The following LAMB4 variants were observed in gnomAD, a reference collection of about 807,000 sequenced individuals.
LAMB4 encodes laminin subunit beta 4, also known as laminin subunit beta-4.
LAMB4 carries 196 observed loss-of-function variants against 199.2 expected under a neutral mutation model. That is an observed-to-expected ratio of 0.98 (90% CI 0.88 to 1.11). LAMB4 has a LOEUF of 1.11. LAMB4 is among the 50% of genes least tolerant of loss of function. The probability of loss-of-function intolerance (pLI) is 0.00; values close to 1 mark genes in which losing one functional copy is unlikely to be tolerated. For synonymous variants in LAMB4, 744 were observed against 770.6 expected (o/e 0.97, Z 0.57); for missense variants, 2,080 against 2,171.2 (o/e 0.96, Z 0.83).
chr7:108,080,419 TTCC>T (rs1408704400), intron 14 of LAMB4, among the ~76,000 whole-genome samples: 3 of 152,166 alleles, frequency 2.0e-5, no homozygotes, highest in African/African-American at 7.2e-5. Flanking sequence ...TCCGCTCAAA[TTCC>T]TCTTCTTGTT....
intron 14 of LAMB4, among the ~76,000 whole-genome samples, chr7:108,090,497 A>AC: frequency 1.3e-5 from 2 of 151,902 alleles, no homozygotes; most frequent in Non-Finnish European, 2.9e-5. Context: ...GCATGATATA[A>AC]CCCCCCTCAC....
At chr7:108,018,446 A>G in the LAMB4 span, among the ~76,000 whole-genome samples, 1 of 152,226 alleles carries the variant, frequency 6.6e-6, no homozygotes, top group African/African-American at 2.4e-5. Context: ...GCTCCTGTTA[A>G]GAGGCCCTCC....
intron 29 of LAMB4, among the ~76,000 whole-genome samples, chr7:108,041,060 AC>A (rs2035404954): frequency 6.6e-6 from 1 of 152,244 alleles, no homozygotes; most frequent in Non-Finnish European, 1.5e-5. Context: ...CAAGAAAAAA[AC>A]AACCCCCTTA....
chr7:108,029,530 C>T (rs140219761), intron 32 of LAMB4, among the ~76,000 whole-genome samples: 1 of 152,314 alleles, frequency 6.6e-6, no homozygotes, highest in African/African-American at 2.4e-5. Context: ...CAATCCCATC[C>T]TTGACAAATC....
Position 108,052,340 on chromosome 7 carries a change from T to C in LAMB4, c.3756-83A>G. ...GAAAAAAATGCCACCAAAATTGCCCTCATTGTTAGGAATTCTTGATTAGAA... is the reference window on the plus strand; with the variant it reads ...GAAAAAAATGCCACCAAAATTGCCCCCATTGTTAGGAATTCTTGATTAGAA... On this transcript the variant is annotated intron_variant, in intron 25 of 33. Transcript: ENST00000388781. 5.6e-6 allele frequency: 6 copies of C among 1,079,694 alleles called. No individual in the cohort carries two copies. The South Asian group carries it at 1.1e-4, about 19-fold the overall frequency. 66.9% of individuals were successfully genotyped at this position (1,079,694 alleles called of 1,614,324 possible).
intron 28 of LAMB4, among the ~76,000 whole-genome samples, chr7:108,045,809 G>A (rs1280540553): frequency 1.3e-5 from 2 of 152,218 alleles, no homozygotes; most frequent in Non-Finnish European, 2.9e-5. Context: ...AGAACGACAT[G>A]TGAATGGAAA....
At chr7:108,122,525 T>C (rs2150697416) in intron 2 of LAMB4, among the ~76,000 whole-genome samples, 1 of 152,326 alleles carries the variant, frequency 6.6e-6, no homozygotes, top group South Asian at 2.1e-4. Flanking sequence ...TTCTGAAGGT[T>C]TGTTGTCATG....
chr7:108,026,659 G>T (rs148477156), intron 33 of LAMB4: 7 of 221,144 alleles, frequency 3.2e-5, no homozygotes, highest in Non-Finnish European at 5.5e-5. Context: ...TTATGCCCAC[G>T]CATGCTTTCT....
chr7:108,061,754 A>AAT (rs1422528363), intron 23 of LAMB4, among the ~76,000 whole-genome samples: 1 of 151,908 alleles, frequency 6.6e-6, no homozygotes, highest in Admixed American at 6.6e-5. Flanking sequence ...AAAAAAAAAA[A>AAT]AAAAAGATAT....
At chr7:108,118,623 T>C (rs2038492444) in intron 2 of LAMB4, among the ~76,000 whole-genome samples, 1 of 152,082 alleles carries the variant, frequency 6.6e-6, no homozygotes, top group East Asian at 1.9e-4. Flanking sequence ...TCACACCTTA[T>C]ATTAATATTA....
At chr7:108,034,701 A>G (rs947196870) in intron 30 of LAMB4, among the ~76,000 whole-genome samples, 13 of 152,176 alleles carry the variant, frequency 8.5e-5, no homozygotes, top group Non-Finnish European at 1.3e-4. Flanking sequence ...CACTTTCTCA[A>G]TCTCTATTGG....
chr7:108,109,049 G>C, intron 5 of LAMB4, 122 bp downstream of exon 5: 1 of 716,892 alleles, frequency 1.4e-6, no homozygotes, highest in Non-Finnish European at 2.4e-6. Context: ...AGGTGGCAAA[G>C]GTCAAGTCTG....
intron 29 of LAMB4, among the ~76,000 whole-genome samples, chr7:108,043,238 C>A (rs1431801723): frequency 6.6e-6 from 1 of 151,950 alleles, no homozygotes; most frequent in African/African-American, 2.4e-5. Context: ...ATCTTGATCT[C>A]ATATCATTTC....
At chr7:108,112,339 A>G (rs1205685439) in intron 3 of LAMB4, among the ~76,000 whole-genome samples, 1 of 150,224 alleles carries the variant, frequency 6.7e-6, no homozygotes, top group Admixed American at 6.6e-5. Flanking sequence ...TTTGAGACAG[A>G]GTCTCATGCT....
Position 108,079,618 on chromosome 7 carries a change from T to A in LAMB4, c.1870A>T (p.Ile624Phe). Residue 624 changes from isoleucine (I) to phenylalanine (F), a missense_variant, in exon 15 of 34, where the codon ATT (isoleucine) becomes TTT (phenylalanine). Physicochemically the swap from Ile to Phe is conservative, Grantham distance 21. Transcript: ENST00000388781. ...IPFPVDFTIA[I>F]HYETQSAADW... ...AAGGATACCTGGGTTTCATAGTGAA[T>A]GGCAATGGTGAAGTCCACAGGAAAG... The A allele has an allele frequency of 6.2e-7, 1 of 1,607,960 alleles. No homozygotes were observed. The highest frequency in any genetic ancestry group is 8.5e-7 in the Non-Finnish European group (1 of 1,178,008).
intron 17 of LAMB4, among the ~76,000 whole-genome samples, chr7:108,074,560 G>T (rs1354995344): frequency 6.6e-6 from 1 of 151,958 alleles, no homozygotes; most frequent in Non-Finnish European, 1.5e-5. Context: ...GTAGAGACGG[G>T]GTTTCGCCAT....
At chr7:108,123,095 G>T (rs779293808) in intron 2 of LAMB4, 36 bp downstream of exon 2, 2 of 1,576,786 alleles carry the variant, frequency 1.3e-6, no homozygotes, top group East Asian at 2.3e-5. Context: ...TTAGGACAGC[G>T]CAAGCAGTAA....
intron 4 of LAMB4, 33 bp from the exon 5 acceptor site, chr7:108,109,277 G>C (rs2038135697): frequency 6.9e-7 from 1 of 1,456,880 alleles, no homozygotes; most frequent in Non-Finnish European, 9.6e-7. Context: ...GAAAATCAGT[G>C]ATTTTGAGAG....
At chr7:108,068,841 G>T (rs149820401) in intron 18 of LAMB4, among the ~76,000 whole-genome samples, 4 of 152,036 alleles carry the variant, frequency 2.6e-5, no homozygotes, top group Middle Eastern at 6.8e-3. Context: ...TTACAGTCAC[G>T]TGCCATCACA....
Sources: allele counts gnomAD v4.1 joint callset (sites outside exome capture counted in the v4.1 genomes callset), GRCh38; gene constraint gnomAD v4.1.1; transcripts MANE v1.5; gene names NCBI Gene and HGNC (gene_info 2026-07-23, HGNC 2026-07-21).